ATPAF2: variants seen among roughly 807,000 people sequenced by gnomAD.
The protein encoded by ATPAF2 is ATP synthase mitochondrial F1 complex assembly factor 2.
In ATPAF2, 30 loss-of-function variants were observed where a neutral mutation model predicts 36.6. The observed-to-expected ratio is 0.82, with a 90% CI of 0.61 to 1.11. The LOEUF (loss-of-function observed/expected upper bound fraction) is 1.11. ATPAF2 is among the 50% of genes most tolerant of loss of function. ATPAF2 has a pLI of 0.00. For missense variants in ATPAF2, 321 were observed against 372.3 expected, an observed-to-expected ratio of 0.86 and a Z score of 1.13; for synonymous variants, 140 against 152.6, an observed-to-expected ratio of 0.92 and a Z score of 0.61.
intron 1 of ATPAF2, among the ~76,000 whole-genome samples, chr17:18,031,468 A>C (rs146472967): frequency 6.6e-6 from 1 of 152,220 alleles, no homozygotes; most frequent in East Asian, 1.9e-4. Flanking sequence ...ACAAGAGTGA[A>C]TAAAATAGAC....
chr17:18,038,164 C>A (rs1401200493), intron 1 of ATPAF2, among the ~76,000 whole-genome samples: 2 of 152,222 alleles, frequency 1.3e-5, no homozygotes, highest in Non-Finnish European at 2.9e-5. Flanking sequence ...ACCGTGCCTC[C>A]TGCCTCCAGC....
In ATPAF2 at chr17:18,020,912, C is replaced by A. The variant is rs1425647712; in HGVS notation, c.732+211G>T. The A allele has an allele frequency of 5.4e-6, 7 of 1,295,330 alleles. No individual in the cohort carries two copies. The East Asian group carries it at 2.1e-4, about 39-fold the overall frequency. 80.2% of individuals were successfully genotyped at this position (1,295,330 alleles called of 1,614,324 possible). A position where few individuals can be genotyped will look rare whatever the true frequency, so the allele number is the denominator to read the frequency against. On this transcript the variant is annotated intron_variant, in intron 7 of 7. Transcript: ENST00000474627. ...CTGACCTCAAATGATCCATCCTCCTCAGCCACCCAAAGTGCTGGGATTACA... is the reference window on the plus strand; with the variant it reads ...CTGACCTCAAATGATCCATCCTCCTAAGCCACCCAAAGTGCTGGGATTACA...
intron 5 of ATPAF2, among the ~76,000 whole-genome samples, chr17:18,022,594 C>CTTTTTTT (rs34473758): frequency 8.2e-6 from 1 of 121,392 alleles, no homozygotes; most frequent in Non-Finnish European, 1.8e-5. Flanking sequence ...TTTTTTCAAA[C>CTTTTTTT]TTTTTTTTTT....
intron 1 of ATPAF2, among the ~76,000 whole-genome samples, chr17:18,032,936 G>C (rs116766120): frequency 2.7e-3 from 416 of 151,910 alleles, no homozygotes; most frequent in African/African-American, 9.8e-3. Context: ...AGCAGTTGTG[G>C]ACTAGACAGA....
At chr17:18,035,238 A>G (rs2044688186) in intron 1 of ATPAF2, among the ~76,000 whole-genome samples, 1 of 152,082 alleles carries the variant, frequency 6.6e-6, no homozygotes, top group South Asian at 2.1e-4. Flanking sequence ...CTTAAAAACA[A>G]AAAAAAACAA....
intron 1 of ATPAF2, among the ~76,000 whole-genome samples, chr17:18,036,575 CAAA>C (rs751108869): frequency 8.3e-6 from 1 of 120,202 alleles, no homozygotes; most frequent in Admixed American, 8.6e-5. Flanking sequence ...GACTCTGTCT[CAAA>C]AAAAAAAAAA....
intron 6 of ATPAF2, 74 bp from the exon 7 acceptor site, chr17:18,021,312 G>C: frequency 8.8e-7 from 1 of 1,142,348 alleles, no homozygotes; most frequent in Non-Finnish European, 1.3e-6. Flanking sequence ...AGTCCCAGCA[G>C]CCCTAGCAGA....
At position 18,024,372 on chromosome 17, in the gene ATPAF2, G is replaced by C. The variant is rs951653295; in HGVS notation, c.503+252C>G. Reference sequence around the variant, plus strand: ...ACTCCACTGCTTCTCCAAGGACACAGAGCTGCCCCTACACTTCATGAACCG... The same window carrying C: ...ACTCCACTGCTTCTCCAAGGACACACAGCTGCCCCTACACTTCATGAACCG... On this transcript the variant is annotated intron_variant, in intron 5 of 7. Coordinates refer to ENST00000474627, the MANE Select transcript of ATPAF2 (RefSeq NM_145691.4). Among the ~76,000 whole-genome samples, 5 of 152,314 alleles carry C rather than the reference G, an allele frequency of 3.3e-5. No individual in the cohort carries two copies. In the South Asian group the frequency reaches 8.3e-4, roughly 25 times the overall value.
chr17:18,031,086 C>A (rs2044627284), intron 1 of ATPAF2, among the ~76,000 whole-genome samples: 1 of 150,100 alleles, frequency 6.7e-6, no homozygotes, highest in African/African-American at 2.5e-5. Flanking sequence ...CATTCTCCTG[C>A]CTCAGCCTCC....
At chr17:18,024,802 C>T (rs2044521471) in intron 4 of ATPAF2, 98 bp from the exon 5 acceptor site, 2 of 992,092 alleles carry the variant, frequency 2.0e-6, no homozygotes, top group South Asian at 2.7e-5. Context: ...GCAAAAACTT[C>T]ACCACCACCA....
At chr17:18,027,913 C>T in intron 3 of ATPAF2, 1 of 398,154 alleles carries the variant, frequency 2.5e-6, no homozygotes, top group South Asian at 2.5e-5. Context: ...TTATAAATTG[C>T]CTAAGTGCTG....
Position 18,021,726 on chromosome 17 carries a change from C to G in ATPAF2, c.616+19G>C. On this transcript the variant is annotated intron_variant, in intron 6 of 7. Transcript: ENST00000474627. ...CCTTCACAGCCACCTGCCAAGCCCA[C>G]AAGAAACTCCATACATGCCTTGTAA... The G allele has an allele frequency of 6.2e-7, 1 of 1,610,506 alleles. No homozygotes were observed. Among genetic ancestry groups the G allele is most frequent in the Non-Finnish European group, 8.5e-7 (1 of 1,177,346 alleles).
chr17:18,016,309 T>G, downstream of ATPAF2: 3 of 1,202,690 alleles, frequency 2.5e-6, no homozygotes, highest in South Asian at 4.1e-5. Flanking sequence ...AAGGAAGAAA[T>G]AAAATTAAGG....
intron 3 of ATPAF2, 167 bp downstream of exon 3, chr17:18,028,065 G>A: frequency 1.2e-6 from 1 of 801,188 alleles, no homozygotes; most frequent in African/African-American, 1.7e-5. Flanking sequence ...AGCCGGGCCA[G>A]ACAAGGAAAG....
At position 18,028,624 on chromosome 17, in the gene ATPAF2, G is replaced by A; in HGVS notation, c.169C>T (p.Gln57Ter). The change falls in exon 2 of 8, where the codon CAG becomes TAG. Residue 57 changes from glutamine to a stop codon, truncating the protein, a stop_gained. Transcript: ENST00000474627. LOFTEE classifies it high-confidence loss of function. ...AATTTCAGACACTCACCTTCACCCTGTGTGATGCTGACATTCTGATAAAAC... is the reference window on the plus strand; with the variant it reads ...AATTTCAGACACTCACCTTCACCCTATGTGATGCTGACATTCTGATAAAAC... ...KRFYQNVSITQGEGGFEINLD... is the reference protein window; with the variant it reads ...KRFYQNVSIT 1 of 1,610,280 alleles carries A rather than the reference G, an allele frequency of 6.2e-7. No homozygotes were observed. The highest frequency in any genetic ancestry group is 8.5e-7 in the Non-Finnish European group (1 of 1,178,984).
intron 3 of ATPAF2, 167 bp downstream of exon 3, chr17:18,028,065 G>GACAAGGAAAGAGTTTA: frequency 1.2e-6 from 1 of 801,188 alleles, no homozygotes; most frequent in South Asian, 1.4e-5. Flanking sequence ...AGCCGGGCCA[G>GACAAGGAAAGAGTTTA]ACAAGGAAAG....
chr17:18,024,701 G>A lies in ATPAF2; in HGVS notation c.426C>T (p.Tyr142=), dbSNP rs377476973. ...VKFLDTDTIC[Y]RVEEPETLVE... is the part of the protein sequence containing the mutation. ...CTAATGTCTCGGGCTCCTCCACCCTGTAGCTAATTCATTGTAAAAATAACC... is the reference window on the plus strand; with the variant it reads ...CTAATGTCTCGGGCTCCTCCACCCTATAGCTAATTCATTGTAAAAATAACC... Residue 142 remains tyrosine (Y), a synonymous_variant, in exon 5 of 8, where the codon TAC becomes TAT. Coordinates refer to ENST00000474627, the MANE Select transcript of ATPAF2 (RefSeq NM_145691.4). 1.1e-5 allele frequency: 18 copies of A among 1,612,134 alleles called. No individual in the cohort carries two copies. The highest frequency in any genetic ancestry group is 2.7e-5 in the African/African-American group (2 of 74,844).
At chr17:18,027,433 T>A (rs2044564162) in intron 3 of ATPAF2, among the ~76,000 whole-genome samples, 1 of 152,150 alleles carries the variant, frequency 6.6e-6, no homozygotes, top group Non-Finnish European at 1.5e-5. Context: ...AGCTGACTCC[T>A]GTATTGACTG....
In ATPAF2 at chr17:18,018,145, C is replaced by G. The variant is rs1301544029; in HGVS notation, c.*404G>C. 2 of 272,558 alleles carry G rather than the reference C, an allele frequency of 7.3e-6. No individual in the cohort carries two copies. The highest frequency in any genetic ancestry group is 9.8e-5 in the Admixed American group (2 of 20,376). The allele number at this position is 272,558 out of a possible 1,614,324, so 16.9% of individuals were successfully genotyped here. On this transcript the variant is annotated 3_prime_UTR_variant, in exon 8 of 8. Transcript: ENST00000474627. ...TTCCCCAGTGCAAGGTTCCTGACCA[C>G]AGGCAGCAGATATCCAAACACGCCA...
Sources: allele counts gnomAD v4.1 joint callset (sites outside exome capture counted in the v4.1 genomes callset), GRCh38; gene constraint gnomAD v4.1.1; transcripts MANE v1.5; gene names NCBI Gene and HGNC (gene_info 2026-07-23, HGNC 2026-07-21).